Variants in SPATA13 observed in about 807,000 individuals in gnomAD.
SPATA13 encodes spermatogenesis-associated protein 13.
SPATA13 carries 50 observed loss-of-function variants against 104.0 expected under a neutral mutation model. That is an observed-to-expected ratio of 0.48 (90% confidence interval 0.38 to 0.61). The LOEUF (loss-of-function observed/expected upper bound fraction) is 0.61. SPATA13 is among the 20% of genes least tolerant of loss of function. SPATA13 has a pLI of 0.00. For synonymous variants in SPATA13, 606 were observed against 667.5 expected, an observed-to-expected ratio of 0.91 and a Z score of 1.42; for missense variants, 1,524 against 1,690.6, an observed-to-expected ratio of 0.90 and a Z score of 1.73.
intron 3 of SPATA13, among the ~76,000 whole-genome samples, chr13:24,069,399 C>G (rs555350864): frequency 4.6e-4 from 70 of 152,276 alleles, no homozygotes; most frequent in African/African-American, 1.6e-3. Flanking sequence ...AATGGGAATT[C>G]ATTCGTAATT....
In SPATA13 at chr13:24,277,013, A is replaced by G. The variant is rs555820715; in HGVS notation, c.2165-7122A>G. ...ATTCAATTGAACAATGTCTACTGAG[A>G]GTATGTGACACTTTAAAAAGTGTTC... is the stretch of plus-strand genomic sequence containing the variant. On this transcript the variant is annotated intron_variant, in intron 4 of 12. Transcript: ENST00000382108. Among the ~76,000 whole-genome samples the G allele has an allele frequency of 5.3e-5, 8 of 152,360 alleles. No homozygotes were observed. In the East Asian group the frequency reaches 1.2e-3, roughly 22 times the overall value.
At chr13:24,129,834 G>A (rs116146223) in intron 3 of SPATA13, among the ~76,000 whole-genome samples, 384 of 152,336 alleles carry the variant, frequency 2.5e-3, no homozygotes, top group African/African-American at 8.4e-3. Context: ...CCTGTTGTCC[G>A]TGTCCCCTGG....
chr13:24,048,948 A>C lies in SPATA13; in HGVS notation c.-112+31247A>C, dbSNP rs115183581. ...ATTCATGTTAGGAAACTCAAAGAAA[A>C]AAATGACAAAACAAAACAAAAGGAC... is the stretch of plus-strand genomic sequence containing the variant. On this transcript the variant is annotated intron_variant, in intron 3 of 14. Coordinates refer to the SPATA13 transcript ENST00000424834. Among the ~76,000 whole-genome samples the C allele has an allele frequency of 9.4e-3, 1,433 of 152,322 alleles. 27 individuals carry two copies. Among genetic ancestry groups the C allele is most frequent in the African/African-American group, 0.031 (1,293 of 41,572 alleles).
At chr13:24,015,808 G>A (rs949941884) in intron 2 of SPATA13, among the ~76,000 whole-genome samples, 1 of 25,994 alleles carries the variant, frequency 3.8e-5, no homozygotes, top group African/African-American at 1.2e-4. Flanking sequence ...GGTGAGCCTC[G>A]GCTGGTGACA....
At chr13:24,098,621 A>G (rs988973005) in intron 3 of SPATA13, among the ~76,000 whole-genome samples, 6 of 150,108 alleles carry the variant, frequency 4.0e-5, no homozygotes, top group South Asian at 2.1e-4. Flanking sequence ...AGAAGAAGAA[A>G]AGAAAGAAAG....
intron 1 of SPATA13, among the ~76,000 whole-genome samples, chr13:24,211,175 C>T (rs965071888): frequency 5.3e-5 from 8 of 152,148 alleles, no homozygotes; most frequent in Non-Finnish European, 1.2e-4. Flanking sequence ...TTAGGGTTTT[C>T]TGTATATTAG....
intron 3 of SPATA13, among the ~76,000 whole-genome samples, chr13:24,020,412 C>G (rs1306400015): frequency 1.3e-5 from 2 of 152,070 alleles, no homozygotes; most frequent in African/African-American, 4.8e-5. Context: ...TTCATTAATG[C>G]TTAAGTAGAA....
chr13:24,210,864 A>T (rs1870975928), intron 1 of SPATA13, among the ~76,000 whole-genome samples: 1 of 150,026 alleles, frequency 6.7e-6, no homozygotes. Flanking sequence ...ATATTCTCCT[A>T]ATTCATGTTT....
chr13:24,021,564 CAT>C (rs930841466), intron 3 of SPATA13, among the ~76,000 whole-genome samples: 5 of 152,190 alleles, frequency 3.3e-5, no homozygotes, highest in African/African-American at 1.2e-4. Flanking sequence ...TGTACTCAAA[CAT>C]AAATGCCCAA....
chr13:24,038,524 G>A (rs962014933), intron 3 of SPATA13, among the ~76,000 whole-genome samples: 1 of 152,154 alleles, frequency 6.6e-6, no homozygotes, highest in Non-Finnish European at 1.5e-5. Flanking sequence ...CTCTCTTTGT[G>A]CTCAGAAGCA....
intron 3 of SPATA13, among the ~76,000 whole-genome samples, chr13:24,042,110 T>A (rs1186546215): frequency 7.2e-6 from 1 of 139,032 alleles, no homozygotes; most frequent in Non-Finnish European, 1.5e-5. Context: ...TCAGGCACAT[T>A]TGCTGAGAAA....
intron 3 of SPATA13, among the ~76,000 whole-genome samples, chr13:24,120,431 C>T (rs952823548): frequency 3.3e-5 from 5 of 152,164 alleles, no homozygotes; most frequent in African/African-American, 1.2e-4. Context: ...CCCTATCAGG[C>T]GCAGCAGCAG....
At chr13:24,109,975 C>T (rs1437326566) in intron 3 of SPATA13, among the ~76,000 whole-genome samples, 1 of 149,870 alleles carries the variant, frequency 6.7e-6, no homozygotes, top group African/African-American at 2.5e-5. Context: ...CAAGTTTTCA[C>T]TCCCATTCCA....
At chr13:24,270,186 T>C (rs1874504799) in intron 4 of SPATA13, among the ~76,000 whole-genome samples, 1 of 152,208 alleles carries the variant, frequency 6.6e-6, no homozygotes, top group African/African-American at 2.4e-5. Flanking sequence ...TTGCTCATTG[T>C]AGATAATTTG....
intron 2 of SPATA13, among the ~76,000 whole-genome samples, chr13:24,237,996 A>G (rs1872655037): frequency 6.7e-6 from 1 of 148,158 alleles, no homozygotes; most frequent in Non-Finnish European, 1.5e-5. Context: ...TGTATAATAT[A>G]TATATATAAA....
chr13:24,257,028 C>T (rs1873823978), intron 4 of SPATA13, among the ~76,000 whole-genome samples: 1 of 152,252 alleles, frequency 6.6e-6, no homozygotes, highest in Non-Finnish European at 1.5e-5. Context: ...TACTCCATCA[C>T]AGCCTACCTA....
intron 1 of SPATA13, among the ~76,000 whole-genome samples, chr13:24,189,130 G>A (rs1869343918): frequency 6.6e-6 from 1 of 152,158 alleles, no homozygotes; most frequent in Admixed American, 6.6e-5. Context: ...CCATTTTGCA[G>A]CCCATGGATC....
At position 24,164,105 on chromosome 13, in the gene SPATA13, A is replaced by G. The variant is rs1882624045; in HGVS notation, c.-112+3173A>G. ...GTACATGGTTTTCTTGAGGGAAACT[A>G]TATAATACATGGCAATTTGAAAATC... is the stretch of plus-strand genomic sequence containing the variant. On this transcript the variant is annotated intron_variant, in intron 1 of 12. Transcript: ENST00000382108. Among the ~76,000 whole-genome samples, 3 of 152,260 alleles carry G rather than the reference A, an allele frequency of 2.0e-5. No individual in the cohort carries two copies. In the South Asian group the frequency reaches 6.2e-4, roughly 32 times the overall value.
At chr13:23,993,773 C>T (rs1229622073) in intron 2 of SPATA13, among the ~76,000 whole-genome samples, 1 of 152,148 alleles carries the variant, frequency 6.6e-6, no homozygotes, top group East Asian at 1.9e-4. Flanking sequence ...CATAAAACTC[C>T]CCATCCAGCT....
Sources: gnomAD v4.1 joint callset for allele counts (sites outside exome capture counted in the v4.1 genomes callset) on GRCh38, gnomAD v4.1.1 for gene constraint, MANE v1.5 for transcripts, NCBI Gene and HGNC (gene_info 2026-07-23, HGNC 2026-07-21) for gene names.